The following DOCK3 variants were observed in gnomAD, a reference collection of about 807,000 sequenced individuals.
DOCK3 encodes dedicator of cytokinesis protein 3.
In DOCK3, 60 loss-of-function variants were observed where a neutral mutation model predicts 265.6. That is an observed-to-expected ratio of 0.23 (90% CI 0.18 to 0.28). The LOEUF (loss-of-function observed/expected upper bound fraction) is 0.28, where lower values mean the gene tolerates loss of function less well. DOCK3 is among the 10% of genes least tolerant of loss of function. DOCK3 has a pLI of 1.00. For missense variants in DOCK3, 1,981 were observed against 2,594.3 expected (o/e 0.76, Z 5.14); for synonymous variants, 881 against 938.0 (o/e 0.94, Z 1.11).
rs113238680 is a variant in DOCK3 at position 51,050,805 on chromosome 3, C to G, written c.316-13643C>G. Among the ~76,000 whole-genome samples the G allele has an allele frequency of 4.6e-5, 7 of 152,196 alleles. 2 individuals are homozygous for G. Among genetic ancestry groups the G allele is most frequent in the African/African-American group, 1.7e-4 (7 of 41,512 alleles). ...CTGCTGGTTCAAATGCTGATCTCTT[C>G]CAGAGGTACCCAGAAAAAATATTTT... On this transcript the variant is annotated intron_variant, in intron 5 of 52. Coordinates refer to ENST00000266037, the MANE Select transcript of DOCK3 (RefSeq NM_004947.5).
chr3:50,884,676 AC>A (rs1404970462), intron 3 of DOCK3, among the ~76,000 whole-genome samples: 1 of 151,398 alleles, frequency 6.6e-6, no homozygotes, highest in Non-Finnish European at 1.5e-5. Context: ...TTGAATGTGT[AC>A]GTTTATGTCT....
intron 5 of DOCK3, among the ~76,000 whole-genome samples, chr3:51,059,588 G>A (rs562543978): frequency 1.2e-4 from 19 of 152,010 alleles, no homozygotes; most frequent in South Asian, 4.2e-4. Context: ...TTACCACTCC[G>A]TAAGAGACTG....
intron 2 of DOCK3, among the ~76,000 whole-genome samples, chr3:50,831,999 CAT>C (rs1411312919): frequency 2.0e-5 from 3 of 152,054 alleles, no homozygotes; most frequent in African/African-American, 7.2e-5. Context: ...AGCTTTTTTT[CAT>C]ATGTTTGTTG....
chr3:51,237,816 C>T (rs2108486952), intron 21 of DOCK3, among the ~76,000 whole-genome samples: 1 of 152,262 alleles, frequency 6.6e-6, no homozygotes, highest in Admixed American at 6.5e-5. Context: ...ACAACCATCA[C>T]CAGAACTCTG....
At chr3:50,776,204 A>T (rs1182731391) in intron 1 of DOCK3, among the ~76,000 whole-genome samples, 1 of 152,206 alleles carries the variant, frequency 6.6e-6, no homozygotes, top group Non-Finnish European at 1.5e-5. Flanking sequence ...CACTCCCACC[A>T]GCAGTGTAAA....
chr3:51,208,839 A>G lies in DOCK3; in HGVS notation c.1103A>G (p.Tyr368Cys). 1 of 1,611,628 alleles carries G rather than the reference A, an allele frequency of 6.2e-7. No individual in the cohort carries two copies. The highest frequency in any genetic ancestry group is 8.5e-7 in the Non-Finnish European group (1 of 1,179,064). ...ATCATCCGAAAGTCCAGTGCCAAGTACTCTGCCCCCAGCGCCAGCCATGGT... is the reference window on the plus strand; with the variant it reads ...ATCATCCGAAAGTCCAGTGCCAAGTGCTCTGCCCCCAGCGCCAGCCATGGT... ...ENIIRKSSAKYSAPSASHGLI... is the reference protein window; with the variant it reads ...ENIIRKSSAKCSAPSASHGLI... Residue 368 changes from tyrosine (Y) to cysteine (C), a missense_variant, in exon 13 of 53, where the codon TAC becomes TGC. Physicochemically the swap from Tyr to Cys is radical, Grantham distance 194 (BLOSUM62 -2). This residue lies in a region of DOCK3 where 456 missense variants were observed against 539.0 expected (regional missense o/e 0.85). Coordinates refer to ENST00000266037, the MANE Select transcript of DOCK3 (RefSeq NM_004947.5).
chr3:51,272,998 C>T (rs950194357), intron 24 of DOCK3, among the ~76,000 whole-genome samples: 11 of 151,840 alleles, frequency 7.2e-5, no homozygotes, highest in African/African-American at 2.4e-4. Context: ...CCTGTCTCTA[C>T]TAAAAATACA....
chr3:50,904,333 G>T (rs978669876), intron 4 of DOCK3, among the ~76,000 whole-genome samples: 3 of 152,174 alleles, frequency 2.0e-5, no homozygotes, highest in Non-Finnish European at 4.4e-5. Context: ...TTGAGGAATC[G>T]CTACGCTGTC....
rs940153197 is a variant in DOCK3 at position 51,144,097 on chromosome 3, C to A, written c.747-2452C>A. On this transcript the variant is annotated intron_variant, in intron 9 of 52. Coordinates refer to ENST00000266037, the MANE Select transcript of DOCK3 (RefSeq NM_004947.5). ...GGATTGTTCAGCACCATTTGCTGAA[C>A]GTACTATACACCCCCCCTTGATACC... is the stretch of plus-strand genomic sequence containing the variant. 2.0e-5 allele frequency among the ~76,000 whole-genome samples: 3 copies of A among 152,096 alleles called. No individual in the cohort carries two copies. The South Asian group carries it at 6.2e-4, about 32-fold the overall frequency.
At chr3:50,839,148 T>C (rs1478101312) in intron 2 of DOCK3, among the ~76,000 whole-genome samples, 1 of 152,238 alleles carries the variant, frequency 6.6e-6, no homozygotes, top group Non-Finnish European at 1.5e-5. Context: ...TTCAGTGTCT[T>C]CTCATGGCTT....
At chr3:50,930,364 G>A (rs972537211) in intron 4 of DOCK3, among the ~76,000 whole-genome samples, 17 of 152,180 alleles carry the variant, frequency 1.1e-4, no homozygotes, top group Admixed American at 2.6e-4. Flanking sequence ...CGCCTTGGGC[G>A]GCTGCAGCCT....
At chr3:50,963,300 A>T (rs1348371536) in intron 5 of DOCK3, among the ~76,000 whole-genome samples, 1 of 152,348 alleles carries the variant, frequency 6.6e-6, no homozygotes, top group African/African-American at 2.4e-5. Flanking sequence ...AAAGTTTTGC[A>T]TAAAATTTGT....
intron 9 of DOCK3, among the ~76,000 whole-genome samples, chr3:51,099,805 T>G (rs2083011988): frequency 6.6e-6 from 1 of 152,154 alleles, no homozygotes. Flanking sequence ...GGATAAGTGT[T>G]ATGGAATAGA....
At chr3:51,059,598 G>A (rs2109219402) in intron 5 of DOCK3, among the ~76,000 whole-genome samples, 1 of 152,158 alleles carries the variant, frequency 6.6e-6, no homozygotes, top group East Asian at 1.9e-4. Context: ...GTAAGAGACT[G>A]TTTTATATCG....
intron 9 of DOCK3, among the ~76,000 whole-genome samples, chr3:51,116,892 A>T (rs187499152): frequency 5.3e-4 from 80 of 152,342 alleles, no homozygotes; most frequent in Non-Finnish European, 8.2e-4. Flanking sequence ...TAAATATACC[A>T]TCATGTAATC....
chr3:51,261,571 C>T lies in DOCK3; in HGVS notation c.2355+1245C>T, dbSNP rs565337028. On this transcript the variant is annotated intron_variant, in intron 23 of 52. Coordinates refer to ENST00000266037, the MANE Select transcript of DOCK3 (RefSeq NM_004947.5). ...AATGTCAGCGAGACAGAACCGTTCA[C>T]TCCCCTGGAAAGGGGGCTGAAGCCA... Among the ~76,000 whole-genome samples the T allele has an allele frequency of 9.8e-5, 15 of 152,296 alleles. 1 individual carries two copies. The South Asian group carries it at 2.9e-3, about 29-fold the overall frequency.
intron 1 of DOCK3, chr3:50,719,519 C>A: frequency 9.7e-7 from 1 of 1,027,104 alleles, no homozygotes; most frequent in South Asian, 1.4e-5. Context: ...GATCTTCTCA[C>A]TGGTCTTGCC....
intron 27 of DOCK3, among the ~76,000 whole-genome samples, chr3:51,298,312 AT>A (rs1217290454): frequency 6.6e-6 from 1 of 152,174 alleles, no homozygotes; most frequent in African/African-American, 2.4e-5. Context: ...TTTGTTCCTA[AT>A]TTGACTAATT....
intron 3 of DOCK3, among the ~76,000 whole-genome samples, chr3:50,861,049 T>A (rs965255705): frequency 1.3e-5 from 2 of 152,174 alleles, no homozygotes; most frequent in African/African-American, 4.8e-5. Flanking sequence ...AGTCCTGGTT[T>A]AGTGGGATCT....
Sources: allele counts gnomAD v4.1 joint callset (sites outside exome capture counted in the v4.1 genomes callset), GRCh38; gene constraint gnomAD v4.1.1; regional missense constraint gnomAD v4.1.1; transcripts MANE v1.5; gene names NCBI Gene and HGNC (gene_info 2026-07-23, HGNC 2026-07-21).